PACRGL: variants seen among roughly 807,000 people sequenced by gnomAD.
PACRGL encodes PACRG-like protein.
PACRGL carries 38 observed loss-of-function variants against 34.5 expected under a neutral mutation model. The observed-to-expected ratio is 1.10, with a 90% CI of 0.85 to 1.44. The LOEUF is 1.44. Among genes scored for constraint, PACRGL ranks in the 40% most tolerant of loss-of-function variants. The pLI is 0.00. For synonymous variants in PACRGL, 128 were observed against 100.1 expected (o/e 1.28, Z -1.66); for missense variants, 305 against 281.4 (o/e 1.08, Z -0.60).
At chr4:20,696,449 C>G (rs893305274), upstream of PACRGL, 7 of 152,190 alleles carry the variant, frequency 4.6e-5, no homozygotes. Flanking sequence ...CAGATGACAA[C>G]AGAGGACCAG....
intron 7 of PACRGL, among the ~76,000 whole-genome samples, chr4:20,715,141 G>A (rs574262605): frequency 1.3e-5 from 2 of 152,254 alleles, no homozygotes; most frequent in South Asian, 2.1e-4. Flanking sequence ...GATGAAACTG[G>A]AAATCATCAT....
At chr4:20,712,215 G>T (rs554832197) in intron 5 of PACRGL, among the ~76,000 whole-genome samples, 14 of 133,614 alleles carry the variant, frequency 1.0e-4, no homozygotes, top group East Asian at 2.2e-4. Context: ...ATTTTTTCTT[G>T]CCTCCCCTGT....
rs766634511 is a variant in PACRGL, at chr4:20,713,523, A to G, written c.593A>G (p.Lys198Arg). ...VVGPSLNDHL[K>R]HLLTSLSKRL... The stretch of plus-strand genomic sequence containing the variant: ...GGTCCTTCTCTAAACGACCATCTGA[A>G]GCATCTGCTTACAAGCGTAAGTACT... The change falls in exon 7 of 9, where the codon AAG becomes AGG. Residue 198 changes from lysine (K) to arginine (R), a missense_variant. By Grantham distance (26) the Lys-to-Arg change is conservative. Transcript: ENST00000503585. 1 of 1,611,592 alleles carries G rather than the reference A, an allele frequency of 6.2e-7. No homozygotes were observed. Among genetic ancestry groups the G allele is most frequent in the Admixed American group, 1.7e-5 (1 of 59,912 alleles).
In PACRGL at chr4:20,716,333, G is replaced by GTT. The variant is rs34030649; in HGVS notation, c.609+2803_609+2804dup. On this transcript the variant is annotated intron_variant, in intron 7 of 8. Coordinates refer to ENST00000503585, the MANE Select transcript of PACRGL (RefSeq NM_001258345.3). ...CTCCTAGTGAAGTTATTCATGCAGT[G>GTT]TTTTTTTTTTGTTTGTTTGTTTGTT... The GTT allele has an allele frequency of 4.3e-3, 2,212 of 508,878 alleles. 2 individuals are homozygous for GTT. The highest frequency in any genetic ancestry group is 0.016 in the South Asian group (605 of 37,286). The allele number at this position is 508,878 out of a possible 1,614,324, so 31.5% of individuals were successfully genotyped here. A position where few individuals can be genotyped will look rare whatever the true frequency, so the allele number is the denominator to read the frequency against.
rs1270284878 is a variant in PACRGL, at chr4:20,730,827, G to A, written c.*3486G>A. On this transcript the variant is annotated 3_prime_UTR_variant, in exon 9 of 9. Coordinates refer to ENST00000503585, the MANE Select transcript of PACRGL (RefSeq NM_001258345.3). ...AGCACTTGTCAGTTGCATGTGAATA[G>A]CACTTACTGAGCTGTTTATGGTAGT... Among the ~76,000 whole-genome samples the A allele has an allele frequency of 6.6e-6, 1 of 152,140 alleles. No homozygotes were observed. Among genetic ancestry groups the A allele is most frequent in the Non-Finnish European group, 1.5e-5 (1 of 68,016 alleles).
In PACRGL at chr4:20,704,774, C is replaced by G. The variant is rs142693997; in HGVS notation, c.167C>G (p.Pro56Arg). Reference sequence around the variant, plus strand: ...CCAGAGTCTGCAAGAAAACTTCATCCTAGACCAAGTGATAAACTGAACCCT... The same window carrying G: ...CCAGAGTCTGCAAGAAAACTTCATCGTAGACCAAGTGATAAACTGAACCCT... ...SSPESARKLH[P>R]RPSDKLNPKT... is the part of the protein sequence containing the mutation. The change falls in exon 3 of 9, where the codon CCT becomes CGT. Residue 56 changes from proline to arginine, a missense_variant. By Grantham distance (103) the Pro-to-Arg change is moderately radical (BLOSUM62 -2). Coordinates refer to ENST00000503585, the MANE Select transcript of PACRGL (RefSeq NM_001258345.3). 5.0e-6 allele frequency: 8 copies of G among 1,613,948 alleles called. No individual in the cohort carries two copies. Among genetic ancestry groups the G allele is most frequent in the Non-Finnish European group, 6.8e-6 (8 of 1,179,952 alleles).
rs543766228 is a variant in PACRGL at position 20,739,858 on chromosome 4, C to T, written c.*56+12461C>T. Among the ~76,000 whole-genome samples, 165 of 152,204 alleles carry T rather than the reference C, an allele frequency of 1.1e-3. 1 individual carries two copies. Among genetic ancestry groups the T allele is most frequent in the Non-Finnish European group, 6.2e-4 (42 of 67,998 alleles). ...CTAAAAACCTTGAGAAAAGATTAGACGAATGGCTGACTAGAATAAACAGCG... is the reference window on the plus strand; with the variant it reads ...CTAAAAACCTTGAGAAAAGATTAGATGAATGGCTGACTAGAATAAACAGCG... On this transcript the variant is annotated intron_variant, in intron 8 of 8. Transcript: ENST00000507634.
chr4:20,701,230 G>A (rs1345074972), intron 1 of PACRGL, among the ~76,000 whole-genome samples: 2 of 152,136 alleles, frequency 1.3e-5, no homozygotes, highest in Non-Finnish European at 2.9e-5. Context: ...AAAGAAATAG[G>A]CTATATCAGC....
At chr4:20,743,356 C>G (rs1171602456) in intron 8 of PACRGL, among the ~76,000 whole-genome samples, 1 of 152,180 alleles carries the variant, frequency 6.6e-6, no homozygotes, top group East Asian at 1.9e-4. Flanking sequence ...ATCATGCTGC[C>G]TGACTTCAAA....
At chr4:20,733,228 G>T (rs896748645), downstream of PACRGL, among the ~76,000 whole-genome samples, 4 of 152,136 alleles carry the variant, frequency 2.6e-5, no homozygotes, top group African/African-American at 9.7e-5. Context: ...TAATTGGTAA[G>T]TCTTAAGGTT....
At chr4:20,701,129 A>G (rs905562095) in intron 1 of PACRGL, among the ~76,000 whole-genome samples, 11 of 152,210 alleles carry the variant, frequency 7.2e-5, no homozygotes, top group Non-Finnish European at 1.3e-4. Context: ...GGAACTTTCT[A>G]GACCTGGATT....
chr4:20,712,863 G>C lies in PACRGL; in HGVS notation c.442G>C (p.Ala148Pro). The stretch of plus-strand genomic sequence containing the variant: ...TAGAGAATTACTTTTGGTCAAAGGT[G>C]CTCCTGAAAAAGCTATTCCTTTGCT... The part of the protein sequence containing the change: ...GFRELLLVKG[A>P]PEKAIPLLPR... The change falls in exon 6 of 9, where the codon GCT becomes CCT. Residue 148 changes from alanine (A) to proline (P), a missense_variant. By Grantham distance (27) the Ala-to-Pro change is conservative. Transcript: ENST00000503585. 2 of 1,605,308 alleles carry C rather than the reference G, an allele frequency of 1.2e-6. No individual in the cohort carries two copies. Among genetic ancestry groups the C allele is most frequent in the African/African-American group, 1.3e-5 (1 of 74,878 alleles).
At chr4:20,747,277 A>G (rs1405944460) in intron 8 of PACRGL, among the ~76,000 whole-genome samples, 2 of 152,208 alleles carry the variant, frequency 1.3e-5, no homozygotes, top group South Asian at 2.1e-4. Context: ...AGTAATTTCA[A>G]GTAATGGAGT....
intron 8 of PACRGL, among the ~76,000 whole-genome samples, chr4:20,745,201 C>G (rs984989296): frequency 6.7e-6 from 1 of 148,940 alleles, no homozygotes; most frequent in Non-Finnish European, 1.5e-5. Context: ...TGCTGTGAAC[C>G]AATGAAATTA....
downstream of PACRGL, among the ~76,000 whole-genome samples, chr4:20,754,213 C>T (rs1754116567): frequency 6.6e-6 from 1 of 152,084 alleles, no homozygotes; most frequent in South Asian, 2.1e-4. Flanking sequence ...CCAGTTTTTT[C>T]TGACATCCAG....
In PACRGL at chr4:20,729,505, T is replaced by A. The variant is rs1747297153; in HGVS notation, c.*2164T>A. 1 of 148,758 alleles carries A rather than the reference T, an allele frequency of 6.7e-6. No homozygotes were observed. Among genetic ancestry groups the A allele is most frequent in the African/African-American group, 2.5e-5 (1 of 40,590 alleles). 9.2% of individuals were successfully genotyped at this position (148,758 alleles called of 1,614,324 possible). A position where few individuals can be genotyped will look rare whatever the true frequency, so the allele number is the denominator to read the frequency against. ...AAATGTTTAATAATTTTTAAATGTT[T>A]AAAAATGCCAGATAAAACTAATTTC... On this transcript the variant is annotated 3_prime_UTR_variant, in exon 9 of 9. Coordinates refer to ENST00000503585, the MANE Select transcript of PACRGL (RefSeq NM_001258345.3).
chr4:20,726,422 A>G (rs949310106), intron 8 of PACRGL, among the ~76,000 whole-genome samples: 2 of 152,132 alleles, frequency 1.3e-5, no homozygotes, highest in Non-Finnish European at 2.9e-5. Flanking sequence ...ATCCTACATA[A>G]TATTTTAATA....
upstream of PACRGL, among the ~76,000 whole-genome samples, chr4:20,699,532 TCA>T (rs1253340122): frequency 6.6e-6 from 1 of 152,188 alleles, no homozygotes; most frequent in East Asian, 1.9e-4. Context: ...CTGAGGAAAC[TCA>T]CAATCTAATG....
At chr4:20,762,779 T>A in the PACRGL span, among the ~76,000 whole-genome samples, 1 of 152,206 alleles carries the variant, frequency 6.6e-6, no homozygotes, top group African/African-American at 2.4e-5. Flanking sequence ...CACATTACAC[T>A]CAGCAGTTGT....
Sources: allele counts gnomAD v4.1 joint callset (sites outside exome capture counted in the v4.1 genomes callset), GRCh38; gene constraint gnomAD v4.1.1; transcripts MANE v1.5; gene names NCBI Gene and HGNC (gene_info 2026-07-23, HGNC 2026-07-21).